Variants in TFCP2L1 observed in about 807,000 individuals in gnomAD.
TFCP2L1 encodes transcription factor CP2-like protein 1.
Under a neutral mutation model 72.2 loss-of-function variants are expected in TFCP2L1, and 12 were observed. The observed-to-expected ratio is 0.17, with a 90% CI of 0.11 to 0.27. The LOEUF is 0.27. TFCP2L1 is among the 10% of genes least tolerant of loss of function. TFCP2L1 has a pLI of 1.00. For synonymous variants in TFCP2L1, 260 were observed against 251.0 expected (o/e 1.04, Z -0.34); for missense variants, 488 against 624.6 (o/e 0.78, Z 2.33).
rs1203109085 is a variant in TFCP2L1 at position 121,274,113 on chromosome 2, A to G, written c.214+7007T>C. On this transcript the variant is annotated intron_variant, in intron 2 of 14. Coordinates refer to ENST00000263707, the MANE Select transcript of TFCP2L1 (RefSeq NM_014553.3). ...TGTCTCCAAAAAAAAAAAAAAAGAA[A>G]AAAAAAACCAATTGTATCAATGCCT... Among the ~76,000 whole-genome samples the G allele has an allele frequency of 7.9e-5, 12 of 152,034 alleles. No individual in the cohort carries two copies. In the East Asian group the frequency reaches 2.3e-3, roughly 29 times the overall value.
chr2:121,256,891 G>A (rs1258790116), intron 2 of TFCP2L1, among the ~76,000 whole-genome samples: 1 of 152,148 alleles, frequency 6.6e-6, no homozygotes, highest in Non-Finnish European at 1.5e-5. Flanking sequence ...GGGAGGCAGA[G>A]CATAGGTTGT....
intron 3 of TFCP2L1, 42 bp downstream of exon 3, chr2:121,249,529 G>A (rs1218414654): frequency 6.3e-7 from 1 of 1,599,264 alleles, no homozygotes; most frequent in Non-Finnish European, 8.6e-7. Context: ...CCCTAATCAA[G>A]CCCCTCTCCC....
intron 13 of TFCP2L1, among the ~76,000 whole-genome samples, chr2:121,226,531 A>G (rs759708471): frequency 6.6e-6 from 1 of 152,158 alleles, no homozygotes; most frequent in Non-Finnish European, 1.5e-5. Context: ...CTTGGTACTT[A>G]GTAGGATCTG....
chr2:121,228,770 CACAAA>C (rs1378149160), intron 13 of TFCP2L1, among the ~76,000 whole-genome samples: 3 of 14,734 alleles, frequency 2.0e-4, no homozygotes, highest in African/African-American at 5.5e-4. Flanking sequence ...AACCGTGACT[CACAAA>C]AAAAAAAAAA....
intron 7 of TFCP2L1, among the ~76,000 whole-genome samples, chr2:121,242,102 AAAAAAAG>A (rs1241408071): frequency 9.3e-5 from 14 of 149,930 alleles, no homozygotes; most frequent in African/African-American, 3.3e-4. Context: ...AAAAAAAAAA[AAAAAAAG>A]GGAACCTAAT....
At chr2:121,250,608 CTTT>C (rs56784430) in intron 2 of TFCP2L1, among the ~76,000 whole-genome samples, 10 of 137,154 alleles carry the variant, frequency 7.3e-5, no homozygotes, top group East Asian at 2.2e-4. Context: ...ATTGGCATAT[CTTT>C]TTTTTTTTTT....
rs1686275393 is a variant in TFCP2L1, at chr2:121,237,512, C to T, written c.1003+111G>A. Reference sequence around the variant, plus strand: ...GCGAACCCACACTATCTCGGGTCTCCCAGCTGAAACGACAGCGCTGCCAGT... The same window carrying T: ...GCGAACCCACACTATCTCGGGTCTCTCAGCTGAAACGACAGCGCTGCCAGT... On this transcript the variant is annotated intron_variant, in intron 10 of 14. Coordinates refer to ENST00000263707, the MANE Select transcript of TFCP2L1 (RefSeq NM_014553.3). The T allele has an allele frequency of 3.9e-6, 5 of 1,276,650 alleles. No homozygotes were observed. In the South Asian group the frequency reaches 6.6e-5, roughly 17 times the overall value. The allele number at this position is 1,276,650 out of a possible 1,614,324, so 79.1% of individuals were successfully genotyped here. A position where few individuals can be genotyped will look rare whatever the true frequency, so the allele number is the denominator to read the frequency against.
intron 12 of TFCP2L1, among the ~76,000 whole-genome samples, chr2:121,232,516 G>A (rs1042311063): frequency 6.6e-6 from 1 of 152,106 alleles, no homozygotes. Context: ...CCCATCCCCA[G>A]CCCAGTGACA....
chr2:121,278,763 G>A (rs571946244), intron 2 of TFCP2L1, among the ~76,000 whole-genome samples: 1 of 151,304 alleles, frequency 6.6e-6, no homozygotes, highest in South Asian at 2.1e-4. Flanking sequence ...CAGCACTTTG[G>A]AAGCCCAAGG....
intron 4 of TFCP2L1, 131 bp from the exon 5 acceptor site, chr2:121,248,401 C>T: frequency 2.9e-6 from 2 of 692,378 alleles, no homozygotes; most frequent in South Asian, 4.0e-5. Flanking sequence ...AAAAGTTTTG[C>T]ATAACTTACT....
At chr2:121,263,986 A>G (rs942867286) in intron 2 of TFCP2L1, among the ~76,000 whole-genome samples, 2 of 152,254 alleles carry the variant, frequency 1.3e-5, no homozygotes, top group African/African-American at 4.8e-5. Flanking sequence ...CCTGTAAGTT[A>G]GTAGGATAAA....
At chr2:121,238,518 C>T (rs552010750) in intron 8 of TFCP2L1, among the ~76,000 whole-genome samples, 1 of 152,276 alleles carries the variant, frequency 6.6e-6, no homozygotes, top group African/African-American at 2.4e-5. Flanking sequence ...CCAGACTGCA[C>T]ACTTAAAAAT....
chr2:121,269,918 A>AAAAAAAAAAAAAAGAAAAAAT, intron 2 of TFCP2L1, among the ~76,000 whole-genome samples: 1 of 115,182 alleles, frequency 8.7e-6, no homozygotes, highest in African/African-American at 3.7e-5. Flanking sequence ...AAAAAAAAAA[A>AAAAAAAAAAAAAAGAAAAAAT]ATATATATAT....
intron 2 of TFCP2L1, among the ~76,000 whole-genome samples, chr2:121,269,460 C>CA (rs138879374): frequency 0.053 from 8,077 of 151,122 alleles, 281 homozygotes; most frequent in South Asian, 0.13. Flanking sequence ...ACAACAACAA[C>CA]AAAAAAACTT....
chr2:121,263,398 C>T (rs933124193), intron 2 of TFCP2L1, among the ~76,000 whole-genome samples: 11 of 140,216 alleles, frequency 7.8e-5, no homozygotes, highest in South Asian at 2.2e-4. Context: ...CCTAATATAA[C>T]GGTTCTTGAA....
At chr2:121,258,361 T>G (rs535447632) in intron 2 of TFCP2L1, among the ~76,000 whole-genome samples, 1 of 152,302 alleles carries the variant, frequency 6.6e-6, no homozygotes, top group African/African-American at 2.4e-5. Flanking sequence ...AGCTGCCAGC[T>G]TAGGCGCTAA....
chr2:121,243,771 C>G (rs966192013), intron 6 of TFCP2L1, among the ~76,000 whole-genome samples: 3 of 151,886 alleles, frequency 2.0e-5, no homozygotes, highest in African/African-American at 7.3e-5. Context: ...GGAAAACAAG[C>G]TCAGGGCTCC....
intron 12 of TFCP2L1, among the ~76,000 whole-genome samples, chr2:121,232,896 T>C (rs1686174286): frequency 6.6e-6 from 1 of 152,150 alleles, no homozygotes; most frequent in African/African-American, 2.4e-5. Flanking sequence ...CAGGGTGGGT[T>C]ACTCAACTTC....
At chr2:121,230,157 TTTTG>T (rs1023234236) in intron 13 of TFCP2L1, among the ~76,000 whole-genome samples, 2 of 152,022 alleles carry the variant, frequency 1.3e-5, no homozygotes, top group African/African-American at 2.4e-5. Context: ...AGTCCTATGT[TTTTG>T]TTTGTTTGTT....
Sources: allele counts gnomAD v4.1 joint callset (sites outside exome capture counted in the v4.1 genomes callset), GRCh38; gene constraint gnomAD v4.1.1; transcripts MANE v1.5; gene names NCBI Gene and HGNC (gene_info 2026-07-23, HGNC 2026-07-21).